GRTP1: variants seen among roughly 807,000 people sequenced by gnomAD.
GRTP1 encodes the protein growth hormone-regulated TBC protein 1.
Under a neutral mutation model 38.1 loss-of-function variants are expected in GRTP1, and 56 were observed. That is an observed-to-expected ratio of 1.47 (90% CI 1.19 to 1.84). The LOEUF is 1.84. Ranked by LOEUF, GRTP1 falls within the 40% of genes most tolerant of loss-of-function variation. GRTP1 has a pLI of 0.00. For missense variants in GRTP1, 506 were observed against 453.9 expected (o/e 1.11, Z -1.04); for synonymous variants, 217 against 189.5 (o/e 1.14, Z -1.19).
intron 4 of GRTP1, among the ~76,000 whole-genome samples, chr13:113,346,311 AG>A (rs2043132073): frequency 1.1e-4 from 1 of 9,026 alleles, no homozygotes; most frequent in Non-Finnish European, 2.1e-4. Context: ...CCTCTGTGGC[AG>A]AGAGCAGACC....
At chr13:113,339,843 T>TA (rs1460606836) in intron 5 of GRTP1, 1 of 152,184 alleles carries the variant, frequency 6.6e-6, no homozygotes, top group Non-Finnish European at 1.5e-5. Flanking sequence ...ATCTTCAAAC[T>TA]AAAAAAATAC....
At chr13:113,350,817 A>G in intron 4 of GRTP1, 32 bp downstream of exon 4, 1 of 1,532,656 alleles carries the variant, frequency 6.5e-7, no homozygotes, top group African/African-American at 1.4e-5. Flanking sequence ...CCTCACAGCC[A>G]CCTCATGGCG....
chr13:113,362,647 T>C (rs2043519658), intron 2 of GRTP1, among the ~76,000 whole-genome samples: 1 of 152,024 alleles, frequency 6.6e-6, no homozygotes, highest in Non-Finnish European at 1.5e-5. Context: ...AAGCAAAAGT[T>C]GATCTTGTCA....
intron 5 of GRTP1, among the ~76,000 whole-genome samples, chr13:113,336,950 T>C (rs888438049): frequency 2.6e-5 from 4 of 152,234 alleles, no homozygotes; most frequent in African/African-American, 9.6e-5. Flanking sequence ...GATGTGCTTA[T>C]GCTGTTACAT....
intron 7 of GRTP1, chr13:113,325,136 GTCT>G: frequency 9.8e-7 from 1 of 1,024,670 alleles, no homozygotes; most frequent in Non-Finnish European, 1.2e-6. Flanking sequence ...GGCCAACATG[GTCT>G]TCTCTTTGAT....
chr13:113,347,513 C>CCTTTG, intron 4 of GRTP1, among the ~76,000 whole-genome samples: 1 of 66,144 alleles, frequency 1.5e-5, no homozygotes, highest in Admixed American at 1.4e-4. Flanking sequence ...AGAGCGGACC[C>CCTTTG]AGGAGCACCT....
rs180705660 is a variant in GRTP1, at chr13:113,336,253, A to G, written c.562+8610T>C. Among the ~76,000 whole-genome samples, 56 of 151,510 alleles carry G rather than the reference A, an allele frequency of 3.7e-4. 1 individual carries two copies. The highest frequency in any genetic ancestry group is 1.3e-3 in the African/African-American group (54 of 41,230). On this transcript the variant is annotated intron_variant, in intron 5 of 7. Transcript: ENST00000375431. ...GAGGACAGATGCCCTTCAACAGAGTAACTTCCTTTCTTCTGGAAACACACC... is the reference window on the plus strand; with the variant it reads ...GAGGACAGATGCCCTTCAACAGAGTGACTTCCTTTCTTCTGGAAACACACC...
chr13:113,359,365 G>C (rs532119248), intron 2 of GRTP1, among the ~76,000 whole-genome samples: 7 of 152,272 alleles, frequency 4.6e-5, no homozygotes, highest in African/African-American at 1.7e-4. Context: ...AAAATTATTT[G>C]ATAGGCCAGG....
chr13:113,325,334 G>A (rs962002335), intron 7 of GRTP1: 6 of 1,400,352 alleles, frequency 4.3e-6, no homozygotes, highest in African/African-American at 1.4e-5. Flanking sequence ...GAGTCTATAC[G>A]GCCTGCGCCA....
At chr13:113,335,303 A>G (rs936015456) in intron 5 of GRTP1, among the ~76,000 whole-genome samples, 14 of 151,772 alleles carry the variant, frequency 9.2e-5, no homozygotes, top group African/African-American at 2.9e-4. Flanking sequence ...TGTGCCTGTA[A>G]TCCCAGCTAC....
At chr13:113,354,834 A>C (rs1010764770) in intron 3 of GRTP1, among the ~76,000 whole-genome samples, 1 of 152,122 alleles carries the variant, frequency 6.6e-6, no homozygotes, top group Non-Finnish European at 1.5e-5. Context: ...GCCTTAGGTT[A>C]ATCAATTTTG....
chr13:113,346,167 A>AAGAGCAGACCCGGGAGGACCTCT (rs1566429415), intron 4 of GRTP1, among the ~76,000 whole-genome samples: 1 of 143,248 alleles, frequency 7.0e-6, no homozygotes, highest in Non-Finnish European at 1.5e-5. Context: ...TGTGCCTGAC[A>AAGAGCAGACCCGGGAGGACCTCT]GTGGACCCGG....
intron 4 of GRTP1, among the ~76,000 whole-genome samples, chr13:113,345,778 G>A (rs538204320): frequency 1.2e-4 from 19 of 152,194 alleles, no homozygotes; most frequent in South Asian, 2.1e-4. Context: ...GGACGGGCAC[G>A]CAGCCTTACA....
rs781187780 is a variant in GRTP1 at position 113,325,913 on chromosome 13, G to A, written c.735+6C>T. ...GCCCGCCCCAGGGCCCGAGTGAGGC[G>A]CTCACCTCCACGGGCAAGATGTCCA... On this transcript the variant is annotated splice_donor_region_variant and intron_variant, in intron 6 of 7. Transcript: ENST00000375431. 3.0e-5 allele frequency: 48 copies of A among 1,613,726 alleles called. 1 individual carries two copies. The highest frequency in any genetic ancestry group is 3.3e-4 in the Middle Eastern group (2 of 6,082).
At chr13:113,350,801 A>G in intron 4 of GRTP1, 48 bp downstream of exon 4, 1 of 1,509,066 alleles carries the variant, frequency 6.6e-7, no homozygotes, top group Admixed American at 2.0e-5. Flanking sequence ...CTGTGGACAG[A>G]CCTGTCCTCA....
chr13:113,345,046 T>G, intron 4 of GRTP1, 87 bp from the exon 5 acceptor site: 1 of 1,444,534 alleles, frequency 6.9e-7, no homozygotes, highest in Non-Finnish European at 9.2e-7. Context: ...AACTACCCAG[T>G]TTCCATTTCT....
In GRTP1 at chr13:113,326,196, C is replaced by A. The variant is rs1314139263; in HGVS notation, c.563-105G>T. ...GACAACAGGGCCACCCTGGGAGGAC[C>A]CCTCCCAAGAGGGAGGGACAAAGTT... is the stretch of plus-strand genomic sequence containing the variant. On this transcript the variant is annotated intron_variant, in intron 5 of 7. Coordinates refer to ENST00000375431, the MANE Select transcript of GRTP1 (RefSeq NM_024719.4). 3 of 1,398,168 alleles carry A rather than the reference C, an allele frequency of 2.1e-6. No individual in the cohort carries two copies. In the East Asian group the frequency reaches 7.2e-5, roughly 33 times the overall value. The allele number at this position is 1,398,168 out of a possible 1,614,324, so 86.6% of individuals were successfully genotyped here. A position where few individuals can be genotyped will look rare whatever the true frequency, so the allele number is the denominator to read the frequency against.
chr13:113,343,305 G>A lies in GRTP1; in HGVS notation c.562+1558C>T, dbSNP rs1009899444. 4.6e-5 allele frequency among the ~76,000 whole-genome samples: 7 copies of A among 151,978 alleles called. No homozygotes were observed. The East Asian group carries it at 9.7e-4, about 21-fold the overall frequency. Reference sequence around the variant, plus strand: ...AGCTGAGACAGCCGGCATCCTTTCCGCCCTGCGAGGTTCTGCCTGCTGCTG... The same window carrying A: ...AGCTGAGACAGCCGGCATCCTTTCCACCCTGCGAGGTTCTGCCTGCTGCTG... On this transcript the variant is annotated intron_variant, in intron 5 of 7. Transcript: ENST00000375431. This position sits in a 1 kb window ranked among gnomAD's most constrained non-coding sequence, Gnocchi z 4.8.
intron 5 of GRTP1, among the ~76,000 whole-genome samples, chr13:113,332,601 A>T (rs111450631): frequency 2.4e-3 from 367 of 152,236 alleles, no homozygotes; most frequent in African/African-American, 8.4e-3. Context: ...CCCAGATCCC[A>T]CCCGACGGTC....
Sources: allele counts gnomAD v4.1 joint callset (sites outside exome capture counted in the v4.1 genomes callset), GRCh38; gene constraint gnomAD v4.1.1; non-coding constraint Gnocchi (gnomAD v3.1); transcripts MANE v1.5; gene names NCBI Gene and HGNC (gene_info 2026-07-23, HGNC 2026-07-21).